HIP1: variants seen among roughly 807,000 people sequenced by gnomAD.
HIP1 encodes huntingtin-interacting protein 1.
A neutral mutation model predicts 147.6 loss-of-function variants in HIP1; 65 were observed. The observed-to-expected ratio is 0.44, with a 90% confidence interval of 0.36 to 0.54. The LOEUF (loss-of-function observed/expected upper bound fraction) is 0.54. HIP1 is among the 20% of genes least tolerant of loss of function. The pLI is 0.00. For missense variants in HIP1, 1,061 were observed against 1,299.6 expected (o/e 0.82, Z 2.82); for synonymous variants, 479 against 504.0 (o/e 0.95, Z 0.67).
At chr7:75,698,830 A>AG (rs1399678017) in intron 1 of HIP1, among the ~76,000 whole-genome samples, 1 of 152,112 alleles carries the variant, frequency 6.6e-6, no homozygotes, top group African/African-American at 2.4e-5. Context: ...TAAAAAAAAA[A>AG]AAATCTATTA....
rs587607139 is a variant in HIP1 at position 75,619,147 on chromosome 7, G to A, written c.121-19900C>T. Among the ~76,000 whole-genome samples the A allele has an allele frequency of 4.6e-5, 7 of 152,272 alleles. No homozygotes were observed. In the East Asian group the frequency reaches 7.7e-4, roughly 17 times the overall value. On this transcript the variant is annotated intron_variant, in intron 1 of 30. Transcript: ENST00000336926. ...CCCCAAATTGGACTCATTTGGGCTC[G>A]GAAGGGCCCATGGCACTGTTAATTC... is the stretch of plus-strand genomic sequence containing the variant.
rs376606171 is a variant in HIP1 at position 75,727,858 on chromosome 7, A to C, written c.120+10943T>G. Among the ~76,000 whole-genome samples the C allele has an allele frequency of 9.2e-5, 14 of 152,054 alleles. No homozygotes were observed. The East Asian group carries it at 9.6e-4, about 10-fold the overall frequency. On this transcript the variant is annotated intron_variant, in intron 1 of 30. Transcript: ENST00000336926. Reference sequence around the variant, plus strand: ...GAGACTCCATCTCAAAAAAAAAAAAAAAAAAACTTAGCAAAATAAATGTCT... The same window carrying C: ...GAGACTCCATCTCAAAAAAAAAAAACAAAAAACTTAGCAAAATAAATGTCT...
chr7:75,587,181 T>C (rs1796319633), intron 4 of HIP1, among the ~76,000 whole-genome samples: 2 of 152,208 alleles, frequency 1.3e-5, no homozygotes, highest in Admixed American at 6.5e-5. Context: ...CCTTGAGTGA[T>C]CCACCTGCTT....
chr7:75,554,651 T>C, intron 19 of HIP1, 125 bp from the exon 20 acceptor site: 1 of 657,590 alleles, frequency 1.5e-6, no homozygotes, highest in Non-Finnish European at 2.7e-6. Flanking sequence ...GTGAAGTTCA[T>C]GAGTAATCAC....
intron 1 of HIP1, among the ~76,000 whole-genome samples, chr7:75,677,620 A>G (rs1347813663): frequency 6.6e-6 from 1 of 151,272 alleles, no homozygotes; most frequent in Non-Finnish European, 1.5e-5. Flanking sequence ...AAAAAAAAAA[A>G]AAAAAGACAA....
chr7:75,597,375 A>G (rs187792090), intron 2 of HIP1, among the ~76,000 whole-genome samples: 1 of 152,280 alleles, frequency 6.6e-6, no homozygotes, highest in Admixed American at 6.5e-5. Context: ...CCTGGCTGTG[A>G]CACAGTAACC....
chr7:75,540,627 A>C (rs1263069290), intron 29 of HIP1, among the ~76,000 whole-genome samples: 1 of 151,964 alleles, frequency 6.6e-6, no homozygotes, highest in Admixed American at 6.6e-5. Context: ...AGAAAAAAAA[A>C]TGCTGAGTGA....
chr7:75,560,095 CAG>C (rs1181777724), intron 13 of HIP1, among the ~76,000 whole-genome samples, 180 bp from the exon 14 acceptor site: 9 of 152,328 alleles, frequency 5.9e-5, no homozygotes, highest in East Asian at 1.9e-4. Flanking sequence ...ACAACAATAA[CAG>C]GGGATGATGG....
intron 13 of HIP1, among the ~76,000 whole-genome samples, 177 bp from the exon 14 acceptor site, chr7:75,560,092 T>C (rs1795171129): frequency 6.6e-6 from 1 of 152,004 alleles, no homozygotes; most frequent in Non-Finnish European, 1.5e-5. Context: ...TCAACAACAA[T>C]AACAGGGGAT....
intron 1 of HIP1, 120 bp from the exon 2 acceptor site, chr7:75,599,367 C>T (rs1362232116): frequency 1.0e-5 from 8 of 764,504 alleles, no homozygotes; most frequent in South Asian, 4.5e-5. Flanking sequence ...CCCAGCCCCA[C>T]GGGTGGTCGG....
intron 21 of HIP1, 151 bp from the exon 22 acceptor site, chr7:75,553,740 G>C (rs1206487916): frequency 1.3e-5 from 9 of 701,386 alleles, no homozygotes; most frequent in Non-Finnish European, 2.1e-5. Context: ...CAAGTAGCTG[G>C]GATTACGGGT....
intron 1 of HIP1, among the ~76,000 whole-genome samples, chr7:75,665,487 C>T (rs1220627696): frequency 1.3e-5 from 2 of 151,754 alleles, no homozygotes; most frequent in Non-Finnish European, 2.9e-5. Flanking sequence ...GCCATCCTGT[C>T]TTGTGGCTTT....
chr7:75,568,560 A>G lies in HIP1; in HGVS notation c.746-304T>C, dbSNP rs1405406348. On this transcript the variant is annotated intron_variant, in intron 8 of 30. Coordinates refer to ENST00000336926, the MANE Select transcript of HIP1 (RefSeq NM_005338.7). This position sits in a 1 kb window ranked among gnomAD's most constrained non-coding sequence, Gnocchi z 4.1. ...GGACTAGAGAAGAAATGGTGACCTG[A>G]CCCAGTAGCAGGCTGGACCATGGCA... Among the ~76,000 whole-genome samples the G allele has an allele frequency of 6.6e-6, 1 of 152,140 alleles. No homozygotes were observed. Among genetic ancestry groups the G allele is most frequent in the Admixed American group, 6.5e-5 (1 of 15,268 alleles).
chr7:75,598,513 G>A (rs1164262229), intron 2 of HIP1, among the ~76,000 whole-genome samples: 2 of 151,348 alleles, frequency 1.3e-5, no homozygotes, highest in African/African-American at 2.4e-5. Context: ...TTCCTGTAAA[G>A]GCAAAGAAAG....
intron 2 of HIP1, among the ~76,000 whole-genome samples, chr7:75,593,694 C>T (rs1395060143): frequency 1.3e-5 from 2 of 151,618 alleles, no homozygotes; most frequent in Non-Finnish European, 2.9e-5. Context: ...TTGGTCCCTG[C>T]AGGGAGTCCT....
intron 13 of HIP1, 62 bp from the exon 14 acceptor site, chr7:75,559,977 G>A (rs587633279): frequency 1.1e-4 from 159 of 1,445,090 alleles, no homozygotes; most frequent in Middle Eastern, 2.4e-4. Context: ...GGCATGGGCC[G>A]GAGAAGCGGG....
At chr7:75,728,257 C>T (rs1801716519) in intron 1 of HIP1, among the ~76,000 whole-genome samples, 1 of 152,228 alleles carries the variant, frequency 6.6e-6, no homozygotes, top group Non-Finnish European at 1.5e-5. Context: ...AGATGCCATT[C>T]TCTCTTCCTC....
rs1257394757 is a variant in HIP1, at chr7:75,541,901, T to TA, written c.2952+17dup. On this transcript the variant is annotated intron_variant, in intron 29 of 30. Transcript: ENST00000336926. The stretch of plus-strand genomic sequence containing the variant: ...CTAGGCAATAGAGGCTATCTAGACT[T>TA]ACAGATGGAGCTCTCACCTGAGAAT... The TA allele has an allele frequency of 6.3e-7, 1 of 1,588,926 alleles. No individual in the cohort carries two copies. The highest frequency in any genetic ancestry group is 1.3e-5 in the African/African-American group (1 of 74,412).
Position 75,719,166 on chromosome 7 carries a change from A to G in HIP1, c.120+19635T>C, listed in dbSNP as rs567125233. Among the ~76,000 whole-genome samples the G allele has an allele frequency of 2.1e-4, 32 of 152,146 alleles. 1 individual carries two copies. In the South Asian group the frequency reaches 6.2e-3, roughly 30 times the overall value. Reference sequence around the variant, plus strand: ...GATCCTGTCTCTATTTAATAAATTAATAAAAATTAAAGAGAAAGAATCTTA... The same window carrying G: ...GATCCTGTCTCTATTTAATAAATTAGTAAAAATTAAAGAGAAAGAATCTTA... On this transcript the variant is annotated intron_variant, in intron 1 of 30. Transcript: ENST00000336926.
Sources: allele counts gnomAD v4.1 joint callset (sites outside exome capture counted in the v4.1 genomes callset), GRCh38; gene constraint gnomAD v4.1.1; non-coding constraint Gnocchi (gnomAD v3.1); transcripts MANE v1.5; gene names NCBI Gene and HGNC (gene_info 2026-07-23, HGNC 2026-07-21).